The following PTN variants were observed in gnomAD, a reference collection of about 807,000 sequenced individuals.
PTN encodes the protein pleiotrophin.
PTN carries 18 observed loss-of-function variants against 24.1 expected under a neutral mutation model. That is an observed-to-expected ratio of 0.75 (90% CI 0.52 to 1.11). The LOEUF is 1.11. PTN is among the 50% of genes least tolerant of loss of function. PTN has a pLI of 0.00. For synonymous variants in PTN, 78 were observed against 68.6 expected (o/e 1.14, Z -0.67); for missense variants, 163 against 198.8 (o/e 0.82, Z 1.08).
chr7:137,232,532 A>G lies in PTN; in HGVS notation c.452-4457T>C, dbSNP rs193251715. ...GAAAGTCCTAAGGCTTTACTAAGAA[A>G]AAGTACTCTAGAAAGGATTCAGGCT... is the stretch of plus-strand genomic sequence containing the variant. On this transcript the variant is annotated intron_variant, in intron 4 of 4. Transcript: ENST00000348225. 3.9e-4 allele frequency among the ~76,000 whole-genome samples: 59 copies of G among 152,124 alleles called. No homozygotes were observed. In the East Asian group the frequency reaches 8.2e-3, roughly 21 times the overall value.
rs150435620 is a variant in PTN, at chr7:137,263,091, T to C, written c.-1-8117A>G. On this transcript the variant is annotated intron_variant, in intron 1 of 4. Transcript: ENST00000348225. ...TTCTTGTGCAATAGATTGATAGTGA[T>C]TCATATAGTACACTTGTGCTGAAGC... 2.0e-5 allele frequency among the ~76,000 whole-genome samples: 3 copies of C among 152,348 alleles called. No individual in the cohort carries two copies. In the East Asian group the frequency reaches 5.8e-4, roughly 29 times the overall value.
intron 1 of PTN, among the ~76,000 whole-genome samples, chr7:137,270,340 T>C (rs1809253881): frequency 6.6e-6 from 1 of 152,254 alleles, no homozygotes; most frequent in Non-Finnish European, 1.5e-5. Context: ...CACTTATAGC[T>C]AGAAGTTCTT....
At chr7:137,336,486 G>T (rs1477858409) in intron 1 of PTN, among the ~76,000 whole-genome samples, 1 of 152,122 alleles carries the variant, frequency 6.6e-6, no homozygotes, top group African/African-American at 2.4e-5. Context: ...TATACCTTAT[G>T]GGAAGGGATA....
intron 4 of PTN, among the ~76,000 whole-genome samples, chr7:137,231,905 C>G (rs1315971244): frequency 2.0e-5 from 3 of 151,890 alleles, no homozygotes; most frequent in Non-Finnish European, 4.4e-5. Context: ...GTTTAGTCGC[C>G]TTTCAAGGTT....
rs573608123 is a variant in PTN at position 137,228,152 on chromosome 7, C to G, written c.452-77G>C. 6 of 926,412 alleles carry G rather than the reference C, an allele frequency of 6.5e-6. No homozygotes were observed. The South Asian group carries it at 8.3e-5, about 13-fold the overall frequency. The allele number at this position is 926,412 out of a possible 1,614,324, so 57.4% of individuals were successfully genotyped here. On this transcript the variant is annotated intron_variant, in intron 4 of 4. Coordinates refer to ENST00000348225, the MANE Select transcript of PTN (RefSeq NM_002825.7). The stretch of plus-strand genomic sequence containing the variant: ...TTACTAAATTGCAGGGAAGAAATAG[C>G]CACATTTCTTATAATTGACCAGACT...
intron 1 of PTN, among the ~76,000 whole-genome samples, chr7:137,333,593 A>G (rs1452850720): frequency 6.6e-6 from 1 of 152,226 alleles, no homozygotes; most frequent in East Asian, 1.9e-4. Context: ...TAGACGTTAA[A>G]ATGTGAAAGA....
At chr7:137,341,859 AAAT>A (rs1331878804) in intron 1 of PTN, among the ~76,000 whole-genome samples, 1 of 152,096 alleles carries the variant, frequency 6.6e-6, no homozygotes, top group Non-Finnish European at 1.5e-5. Flanking sequence ...AGTTTTTTTT[AAAT>A]AATATAATTT....
intron 4 of PTN, among the ~76,000 whole-genome samples, chr7:137,230,597 CA>C (rs2128867117): frequency 6.6e-6 from 1 of 151,798 alleles, no homozygotes; most frequent in South Asian, 2.1e-4. Flanking sequence ...GAAAAAAAAT[CA>C]GGTCAGTAAT....
intron 1 of PTN, among the ~76,000 whole-genome samples, chr7:137,278,133 C>A (rs1423314022): frequency 6.6e-6 from 1 of 150,780 alleles, no homozygotes; most frequent in Admixed American, 6.6e-5. Flanking sequence ...CGGTGAAACC[C>A]CGTCTCTACT....
chr7:137,334,912 A>G (rs1810420611), intron 1 of PTN, among the ~76,000 whole-genome samples: 1 of 151,738 alleles, frequency 6.6e-6, no homozygotes, highest in Admixed American at 6.6e-5. Flanking sequence ...ATGAAATTGG[A>G]AATCATCATT....
intron 1 of PTN, among the ~76,000 whole-genome samples, chr7:137,261,187 G>A (rs1809032020): frequency 6.6e-6 from 1 of 151,622 alleles, no homozygotes. Flanking sequence ...TCCCATCTTT[G>A]AAGAATCTTT....
intron 4 of PTN, among the ~76,000 whole-genome samples, chr7:137,238,895 G>A (rs369613462): frequency 6.6e-6 from 1 of 152,126 alleles, no homozygotes; most frequent in African/African-American, 2.4e-5. Context: ...CAAGCAGAAA[G>A]CCTCAATTTG....
At chr7:137,282,024 A>G (rs1482352618) in intron 1 of PTN, among the ~76,000 whole-genome samples, 3 of 152,238 alleles carry the variant, frequency 2.0e-5, no homozygotes, top group African/African-American at 7.2e-5. Context: ...CTGTGCTCTC[A>G]ATCACAAAAT....
At chr7:137,244,882 T>C (rs1339621309) in intron 4 of PTN, among the ~76,000 whole-genome samples, 3 of 152,150 alleles carry the variant, frequency 2.0e-5, no homozygotes, top group Non-Finnish European at 1.5e-5. Flanking sequence ...TTAACCAAAC[T>C]CTGCGGGATA....
intron 1 of PTN, among the ~76,000 whole-genome samples, chr7:137,333,130 T>C (rs7807025): frequency 0.39 from 58,999 of 151,846 alleles, 11,754 homozygotes; most frequent in South Asian, 0.47. Flanking sequence ...CCACTCTTAG[T>C]TCCCCCAGGA....
At chr7:137,342,215 G>A (rs972566348) in intron 1 of PTN, among the ~76,000 whole-genome samples, 3 of 152,020 alleles carry the variant, frequency 2.0e-5, no homozygotes, top group Admixed American at 1.3e-4. Flanking sequence ...ATCATAAAAT[G>A]TTTCATTATG....
intron 4 of PTN, among the ~76,000 whole-genome samples, chr7:137,234,835 A>G (rs1808491772): frequency 6.6e-6 from 1 of 152,080 alleles, no homozygotes. Context: ...AAATGATTTC[A>G]GATTGAGGGG....
intron 4 of PTN, among the ~76,000 whole-genome samples, chr7:137,246,036 T>C (rs1425348890): frequency 6.6e-6 from 1 of 152,150 alleles, no homozygotes; most frequent in African/African-American, 2.4e-5. Flanking sequence ...GTAGCTTAAG[T>C]GTACTGTGTT....
intron 1 of PTN, among the ~76,000 whole-genome samples, chr7:137,279,887 A>T (rs2128875803): frequency 6.6e-6 from 1 of 152,362 alleles, no homozygotes; most frequent in Non-Finnish European, 1.5e-5. Context: ...CAGGTCAAAC[A>T]TTACAGACTT....
Sources: allele counts gnomAD v4.1 joint callset (sites outside exome capture counted in the v4.1 genomes callset), GRCh38; gene constraint gnomAD v4.1.1; transcripts MANE v1.5; gene names NCBI Gene and HGNC (gene_info 2026-07-23, HGNC 2026-07-21).